HERC1: variants seen among roughly 807,000 people sequenced by gnomAD.
The protein encoded by HERC1 is HECT and RLD domain containing E3 ubiquitin protein ligase family member 1.
Under a neutral mutation model 554.3 loss-of-function variants are expected in HERC1, and 160 were observed. The observed-to-expected ratio is 0.29, with a 90% CI of 0.25 to 0.33. The LOEUF is 0.33. Among genes scored for constraint, HERC1 ranks in the 10% least tolerant of loss-of-function variants. The pLI, the probability that HERC1 is intolerant of heterozygous loss-of-function variation, is 1.00. For synonymous variants in HERC1, 2,175 were observed against 2,131.7 expected (o/e 1.02, Z -0.56); for missense variants, 4,919 against 5,918.5 (o/e 0.83, Z 5.54).
chr15:63,618,319 G>A (rs1040174585), intron 74 of HERC1, among the ~76,000 whole-genome samples: 2 of 152,114 alleles, frequency 1.3e-5, no homozygotes, highest in Non-Finnish European at 1.5e-5. Flanking sequence ...TTGTAGATAT[G>A]CGGCATTATT....
chr15:63,744,164 G>GTGTGTGTGTGTCTCTCTC, intron 12 of HERC1, among the ~76,000 whole-genome samples: 3 of 46,216 alleles, frequency 6.5e-5, no homozygotes, highest in South Asian at 6.3e-4. Flanking sequence ...GTGTGTGTGT[G>GTGTGTGTGTGTCTCTCTC]TCTCTCTCTC....
At chr15:63,659,654 C>T in intron 47 of HERC1, 82 bp downstream of exon 47, 1 of 942,678 alleles carries the variant, frequency 1.1e-6, no homozygotes, top group South Asian at 1.5e-5. Context: ...TTTACTTTTA[C>T]TTTATTATTA....
chr15:63,741,629 T>C lies in HERC1; in HGVS notation c.2520+5289A>G, dbSNP rs148947660. 7.1e-3 allele frequency among the ~76,000 whole-genome samples: 1,085 copies of C among 152,344 alleles called. 14 individuals are homozygous for C. Among genetic ancestry groups the C allele is most frequent in the African/African-American group, 0.025 (1,044 of 41,582 alleles). On this transcript the variant is annotated intron_variant, in intron 12 of 77. Transcript: ENST00000443617. ...TTTTCTTTTATGAGTTTTACAGTTA[T>C]AGCTCTTATATTTAGGTCTTTAATC...
rs369910646 is a variant in HERC1 at position 63,696,221 on chromosome 15, G to C, written c.5024C>G (p.Thr1675Arg). ...TGCTAGGAACTGCAGCCTCACAGAC[G>C]TGAGTAGTGTGGAGGACTGGAAGCC... ...SSGFQSSTLL[T>R]SVRLQFLAGC... is the part of the protein sequence containing the mutation. The change falls in exon 27 of 78, where the codon ACG becomes AGG. Residue 1675 changes from threonine (T) to arginine (R), a missense_variant. Physicochemically the swap from Thr to Arg is moderately conservative, Grantham distance 71. Coordinates refer to ENST00000443617, the MANE Select transcript of HERC1 (RefSeq NM_003922.4). The C allele has an allele frequency of 6.2e-6, 10 of 1,613,316 alleles. No individual in the cohort carries two copies. Among genetic ancestry groups the C allele is most frequent in the Non-Finnish European group, 8.5e-6 (10 of 1,179,646 alleles).
chr15:63,679,612 T>C (rs1350008824), intron 36 of HERC1, among the ~76,000 whole-genome samples: 1 of 152,212 alleles, frequency 6.6e-6, no homozygotes, highest in Non-Finnish European at 1.5e-5. Context: ...AAGTTTACAA[T>C]GGAGGGTATC....
intron 1 of HERC1, among the ~76,000 whole-genome samples, chr15:63,814,675 G>A (rs772765994): frequency 6.6e-6 from 1 of 152,086 alleles, no homozygotes; most frequent in Non-Finnish European, 1.5e-5. Context: ...TGCCATGTTG[G>A]CCAGGCTGGT....
Position 63,779,085 on chromosome 15 carries a change from G to C in HERC1, c.-26-3436C>G, listed in dbSNP as rs1404147184. On this transcript the variant is annotated intron_variant, in intron 1 of 77. Transcript: ENST00000443617. ...GGAAGAGTAGACTCAATGACATAAA[G>C]AAAAATGAAAAGGGTGAGAGAAATA... Among the ~76,000 whole-genome samples the C allele has an allele frequency of 2.6e-5, 4 of 151,326 alleles. No homozygotes were observed. In the East Asian group the frequency reaches 7.7e-4, roughly 29 times the overall value.
At chr15:63,613,492 C>T (rs2067689595) in intron 76 of HERC1, among the ~76,000 whole-genome samples, 1 of 152,208 alleles carries the variant, frequency 6.6e-6, no homozygotes, top group Non-Finnish European at 1.5e-5. Flanking sequence ...TCAAAACCAT[C>T]TACCACCATT....
chr15:63,740,232 T>C (rs1424633251), intron 12 of HERC1, among the ~76,000 whole-genome samples: 2 of 152,164 alleles, frequency 1.3e-5, no homozygotes, highest in African/African-American at 2.4e-5. Flanking sequence ...ATTTAGAAGG[T>C]TCGGTTAGGT....
At chr15:63,711,010 G>A (rs567931442) in intron 24 of HERC1, among the ~76,000 whole-genome samples, 1 of 152,302 alleles carries the variant, frequency 6.6e-6, no homozygotes, top group South Asian at 2.1e-4. Context: ...TCTGAGCAGA[G>A]AAACGACATG....
chr15:63,614,545 C>T (rs2067734272), intron 76 of HERC1, among the ~76,000 whole-genome samples: 1 of 152,202 alleles, frequency 6.6e-6, no homozygotes, highest in South Asian at 2.1e-4. Flanking sequence ...TCTGATGGGA[C>T]TTGGCCCAAA....
rs148459081 is a variant in HERC1 at position 63,732,808 on chromosome 15, G to T, written c.2868+116C>A. On this transcript the variant is annotated intron_variant, in intron 14 of 77. Transcript: ENST00000443617. ...AAACCCTGACATGTTTTTCCCCTTG[G>T]GGGAGAGGGGTCTAGAGTTTGATTT... The T allele has an allele frequency of 7.5e-6, 5 of 667,714 alleles. No homozygotes were observed. In the East Asian group the frequency reaches 1.4e-4, roughly 18 times the overall value. The allele number at this position is 667,714 out of a possible 1,614,324, so 41.4% of individuals were successfully genotyped here. A position where few individuals can be genotyped will look rare whatever the true frequency, so the allele number is the denominator to read the frequency against.
rs955375743 is a variant in HERC1, at chr15:63,727,617, A to C, written c.3346+30T>G. Reference sequence around the variant, plus strand: ...AAGAGGAACAACTTTTCTCAAAGGCATTATTTGCTCTTTTATTGTCTTTAC... The same window carrying C: ...AAGAGGAACAACTTTTCTCAAAGGCCTTATTTGCTCTTTTATTGTCTTTAC... On this transcript the variant is annotated intron_variant, in intron 17 of 77. Coordinates refer to ENST00000443617, the MANE Select transcript of HERC1 (RefSeq NM_003922.4). The surrounding 1 kb of genome is among the most constrained non-coding windows in gnomAD (Gnocchi z 4.3). 1.3e-6 allele frequency: 2 copies of C among 1,538,458 alleles called. No individual in the cohort carries two copies. The highest frequency in any genetic ancestry group is 2.3e-5 in the South Asian group (2 of 85,398).
chr15:63,678,969 C>A (rs62014181), intron 36 of HERC1, among the ~76,000 whole-genome samples: 3,935 of 152,294 alleles, frequency 0.026, 81 homozygotes, highest in Middle Eastern at 0.071. Context: ...TGAGATTATG[C>A]ACATAAAGTG....
intron 16 of HERC1, among the ~76,000 whole-genome samples, chr15:63,728,074 T>C (rs2074110137): frequency 6.6e-6 from 1 of 152,198 alleles, no homozygotes; most frequent in African/African-American, 2.4e-5. Flanking sequence ...TTCAAAGGAT[T>C]AAAACTGTTT....
rs923593132 is a variant in HERC1 at position 63,625,467 on chromosome 15, G to A, written c.13275+518C>T. Among the ~76,000 whole-genome samples, 20 of 152,088 alleles carry A rather than the reference G, an allele frequency of 1.3e-4. 1 individual carries two copies. The highest frequency in any genetic ancestry group is 4.3e-4 in the African/African-American group (18 of 41,418). On this transcript the variant is annotated intron_variant, in intron 71 of 77. Transcript: ENST00000443617. ...CAGCACTTTGGGAGGTGGAGGTGGG[G>A]GGGATCATTTGAGGTCAGGAGTTCG... is the stretch of plus-strand genomic sequence containing the variant.
Position 63,680,931 on chromosome 15 carries a change from T to G in HERC1, c.6226-155A>C, listed in dbSNP as rs181343009. On this transcript the variant is annotated intron_variant, in intron 34 of 77. Coordinates refer to ENST00000443617, the MANE Select transcript of HERC1 (RefSeq NM_003922.4). This position sits in a 1 kb window ranked among gnomAD's most constrained non-coding sequence, Gnocchi z 5.8. ...ATAAATAAAAATAACACGAAAATAATCGCATCAATTTAGAAAGATTTTAAA... is the reference window on the plus strand; with the variant it reads ...ATAAATAAAAATAACACGAAAATAAGCGCATCAATTTAGAAAGATTTTAAA... 2.5e-3 allele frequency among the ~76,000 whole-genome samples: 374 copies of G among 152,294 alleles called. 4 individuals are homozygous for G. Among genetic ancestry groups the G allele is most frequent in the African/African-American group, 8.1e-3 (336 of 41,566 alleles).
intron 42 of HERC1, among the ~76,000 whole-genome samples, chr15:63,665,310 G>C (rs1338762796): frequency 6.6e-6 from 1 of 152,188 alleles, no homozygotes; most frequent in African/African-American, 2.4e-5. Flanking sequence ...AAGGTGGGTG[G>C]ATCACGAAGT....
chr15:63,632,723 T>C lies in HERC1; in HGVS notation c.12782A>G (p.Tyr4261Cys). ...AAATGTCTTACCTTGACCAAAGGTA[T>C]ACACATGACCATCTTTGGTCAAAGC... ...SVALTKDGHV[Y>C]TFGQDRLIGL... Residue 4261 changes from tyrosine to cysteine, a missense_variant, in exon 68 of 78, where the codon TAT becomes TGT. Tyr to Cys is a radical substitution (Grantham distance 194, BLOSUM62 -2). This residue lies in a region of HERC1 where 410 missense variants were observed against 467.0 expected (regional missense o/e 0.88). Coordinates refer to ENST00000443617, the MANE Select transcript of HERC1 (RefSeq NM_003922.4). 2.6e-6 allele frequency: 4 copies of C among 1,557,324 alleles called. No homozygotes were observed. The highest frequency in any genetic ancestry group is 1.2e-5 in the South Asian group (1 of 84,552).
Sources: allele counts gnomAD v4.1 joint callset (sites outside exome capture counted in the v4.1 genomes callset), GRCh38; gene constraint gnomAD v4.1.1; regional missense constraint gnomAD v4.1.1; non-coding constraint Gnocchi (gnomAD v3.1); transcripts MANE v1.5; gene names NCBI Gene and HGNC (gene_info 2026-07-23, HGNC 2026-07-21).